The following SEMA3G variants were observed in gnomAD, a reference collection of about 807,000 sequenced individuals.
SEMA3G encodes the protein semaphorin-3G.
In SEMA3G, 70 loss-of-function variants were observed where a neutral mutation model predicts 86.2. The observed-to-expected ratio is 0.81, with a 90% CI of 0.67 to 0.99. The LOEUF is 0.99. SEMA3G is among the 50% of genes least tolerant of loss of function. SEMA3G has a pLI of 0.00. For missense variants in SEMA3G, 1,002 were observed against 1,072.4 expected (o/e 0.93, Z 0.92); for synonymous variants, 416 against 441.4 (o/e 0.94, Z 0.72).
In SEMA3G at chr3:52,439,621, G is replaced by A. The variant is rs1706107783; in HGVS notation, c.1467+59C>T. The A allele has an allele frequency of 6.3e-6, 9 of 1,430,518 alleles. No homozygotes were observed. The South Asian group carries it at 1.0e-4, about 16-fold the overall frequency. 88.6% of individuals were successfully genotyped at this position (1,430,518 alleles called of 1,614,324 possible). A position where few individuals can be genotyped will look rare whatever the true frequency, so the allele number is the denominator to read the frequency against. On this transcript the variant is annotated intron_variant, in intron 12 of 15. Transcript: ENST00000231721. ...CTGGGCTTGCTCCTGCATCCCTGTAGCCAGGCTCAGACCCAGAGATGGGGC... is the reference window on the plus strand; with the variant it reads ...CTGGGCTTGCTCCTGCATCCCTGTAACCAGGCTCAGACCCAGAGATGGGGC...
chr3:52,437,941 G>T, intron 14 of SEMA3G, 30 bp downstream of exon 14: 2 of 1,591,390 alleles, frequency 1.3e-6, no homozygotes, highest in Non-Finnish European at 1.7e-6. Flanking sequence ...TTCCAGCCCA[G>T]TCTGGGCCCT....
rs1395010949 is a variant in SEMA3G, at chr3:52,438,036, C to T, written c.1673G>A (p.Arg558Gln). 1.1e-5 allele frequency: 17 copies of T among 1,613,032 alleles called. No individual in the cohort carries two copies. Among genetic ancestry groups the T allele is most frequent in the Admixed American group, 3.3e-5 (2 of 59,996 alleles). The change falls in exon 14 of 16, where the codon CGG becomes CAG. Residue 558 changes from arginine to glutamine, a missense_variant. Coordinates refer to ENST00000231721, the MANE Select transcript of SEMA3G (RefSeq NM_020163.3). ...THYRPSLGKR[R>Q]FRRQDIRHGN... ...GTGCCGGATGTCCTGCCGGCGGAAC[C>T]GGCGCTTGCCAAGGCTGGGGCGGTA... is the stretch of plus-strand genomic sequence containing the variant.
At chr3:52,440,543 T>A in intron 9 of SEMA3G, 22 bp from the exon 10 acceptor site, 1 of 1,600,548 alleles carries the variant, frequency 6.2e-7, no homozygotes, top group Non-Finnish European at 8.5e-7. Flanking sequence ...CATGGGACAG[T>A]CAGGCCAGAG....
In SEMA3G at chr3:52,441,809, C is replaced by T. The variant is rs998958978; in HGVS notation, c.550+10G>A. 1 of 1,607,438 alleles carries T rather than the reference C, an allele frequency of 6.2e-7. No individual in the cohort carries two copies. The highest frequency in any genetic ancestry group is 8.5e-7 in the Non-Finnish European group (1 of 1,176,404). ...CTCCCTGTTCTCACCCTGGCCTGGGCATCACCCACCTATGAAGGTGCTGGC... is the reference window on the plus strand; with the variant it reads ...CTCCCTGTTCTCACCCTGGCCTGGGTATCACCCACCTATGAAGGTGCTGGC... On this transcript the variant is annotated intron_variant, in intron 5 of 15. Transcript: ENST00000231721.
chr3:52,443,122 C>G, intron 1 of SEMA3G: 1 of 1,323,064 alleles, frequency 7.6e-7, no homozygotes, highest in South Asian at 1.3e-5. Context: ...CCCAGCCTAC[C>G]CTGGGGCCTA....
At chr3:52,443,008 A>T (rs933414095) in intron 1 of SEMA3G, 101 bp from the exon 2 acceptor site, 1 of 1,545,294 alleles carries the variant, frequency 6.5e-7, no homozygotes, top group African/African-American at 1.4e-5. Context: ...CACCCCTGAC[A>T]CACTCACATC....
chr3:52,438,397 TGGA>T, intron 13 of SEMA3G, 198 bp from the exon 14 acceptor site: 1 of 984,244 alleles, frequency 1.0e-6, no homozygotes. Context: ...ACAGAAGGGA[TGGA>T]GGAGAACCAA....
At position 52,444,956 on chromosome 3, in the gene SEMA3G, G is replaced by T; in HGVS notation, c.72C>A (p.Pro24=). 7.7e-7 allele frequency: 1 copy of T among 1,303,656 alleles called. No individual in the cohort carries two copies. Among genetic ancestry groups the T allele is most frequent in the Non-Finnish European group, 9.8e-7 (1 of 1,021,262 alleles). 80.8% of individuals were successfully genotyped at this position (1,303,656 alleles called of 1,614,324 possible). A position where few individuals can be genotyped will look rare whatever the true frequency, so the allele number is the denominator to read the frequency against. The change falls in exon 1 of 16, where the codon CCC becomes CCA. Residue 24 remains proline, a synonymous_variant. Coordinates refer to ENST00000231721, the MANE Select transcript of SEMA3G (RefSeq NM_020163.3). ...GLLLHGGSSG[P]SPGPSVPRLR... is the part of the protein sequence containing the mutation. The stretch of plus-strand genomic sequence containing the variant: ...GGCGGGGCACACTGGGGCCGGGGCT[G>T]GGGCCAGAGCTACCCCCATGGAGCA...
At position 52,435,786 on chromosome 3, in the gene SEMA3G, C is replaced by T. The variant is rs1373920553; in HGVS notation, c.2166G>A (p.Val722=). 6.2e-7 allele frequency: 1 copy of T among 1,614,038 alleles called. No homozygotes were observed. Residue 722 remains valine, a synonymous_variant, in exon 16 of 16, where the codon GTG becomes GTA. Transcript: ENST00000231721. ...QLIGFANLPR[V]DEYCERVWCR... is the part of the protein sequence containing the mutation. ...ACCACACGCGCTCACAGTACTCATC[C>T]ACCCGGGGCAGGTTGGCGAAGCCAA...
Position 52,435,310 on chromosome 3 carries a change from T to G in SEMA3G, c.*293A>C. 6.6e-6 allele frequency: 3 copies of G among 457,888 alleles called. No homozygotes were observed. The highest frequency in any genetic ancestry group is 4.0e-5 in the East Asian group (1 of 25,016). The allele number at this position is 457,888 out of a possible 1,614,324, so 28.4% of individuals were successfully genotyped here. ...TCTTGCCTCTGGGCACACCCGGAAA[T>G]GTGTTGCGGAAGCCAGGCCATCTCT... On this transcript the variant is annotated 3_prime_UTR_variant, in exon 16 of 16. Coordinates refer to ENST00000231721, the MANE Select transcript of SEMA3G (RefSeq NM_020163.3).
intron 7 of SEMA3G, 43 bp downstream of exon 7, chr3:52,441,221 T>C: frequency 3.1e-6 from 5 of 1,596,068 alleles, no homozygotes; most frequent in Non-Finnish European, 3.4e-6. Flanking sequence ...AATGGGAGGG[T>C]GTAGCAGGGA....
intron 8 of SEMA3G, 29 bp downstream of exon 8, chr3:52,440,905 G>T: frequency 6.3e-7 from 1 of 1,599,368 alleles, no homozygotes; most frequent in East Asian, 2.2e-5. Context: ...CCACTCCCGA[G>T]CCCTAGGCCT....
intron 13 of SEMA3G, 30 bp downstream of exon 13, chr3:52,438,890 G>A (rs763983144): frequency 2.5e-6 from 4 of 1,612,154 alleles, no homozygotes; most frequent in East Asian, 2.2e-5. Context: ...CAGAAGGGGG[G>A]TCCAAGAGGA....
chr3:52,439,955 C>A lies in SEMA3G; in HGVS notation c.1287G>T (p.Lys429Asn), dbSNP rs1227986080. 1 of 1,613,832 alleles carries A rather than the reference C, an allele frequency of 6.2e-7. No individual in the cohort carries two copies. The highest frequency in any genetic ancestry group is 8.5e-7 in the Non-Finnish European group (1 of 1,179,984). Reference sequence around the variant, plus strand: ...GGTGTAGCTGCTGGGCCAGGTGGGTCTTGACAAGGACAGGGCGGCCATGTC... The same window carrying A: ...GGTGTAGCTGCTGGGCCAGGTGGGTATTGACAAGGACAGGGCGGCCATGTC... ...RPRHGRPVLVKTHLAQQLHQI... is the reference protein window; with the variant it reads ...RPRHGRPVLVNTHLAQQLHQI... The change falls in exon 11 of 16, where the codon AAG becomes AAT. Residue 429 changes from lysine to asparagine, a missense_variant. Coordinates refer to ENST00000231721, the MANE Select transcript of SEMA3G (RefSeq NM_020163.3).
rs1303810732 is a variant in SEMA3G, at chr3:52,442,167, G to T, written c.459+18C>A. 1.2e-6 allele frequency: 2 copies of T among 1,609,462 alleles called. No homozygotes were observed. The highest frequency in any genetic ancestry group is 1.7e-6 in the Non-Finnish European group (2 of 1,177,622). On this transcript the variant is annotated intron_variant, in intron 4 of 15. Coordinates refer to ENST00000231721, the MANE Select transcript of SEMA3G (RefSeq NM_020163.3). This position sits in a 1 kb window ranked among gnomAD's most constrained non-coding sequence, Gnocchi z 6.1. Reference sequence around the variant, plus strand: ...GTCACTGCCTCCCAGTCCCTTGTGGGGCCTGGCCCAGGCTCACCTCCCCAC... The same window carrying T: ...GTCACTGCCTCCCAGTCCCTTGTGGTGCCTGGCCCAGGCTCACCTCCCCAC...
chr3:52,438,415 T>C, intron 13 of SEMA3G: 1 of 985,298 alleles, frequency 1.0e-6, no homozygotes, highest in Non-Finnish European at 1.2e-6. Context: ...AACCAAGACC[T>C]GGGATGTTTT....
rs1706177884 is a variant in SEMA3G, at chr3:52,442,489, G to A, written c.339+70C>T. ...CCCCTGGTAGAGGTACCTGGGGCGT[G>A]GTCACGGATTGTCCTGGGGGTCAGG... On this transcript the variant is annotated intron_variant, in intron 3 of 15. Coordinates refer to ENST00000231721, the MANE Select transcript of SEMA3G (RefSeq NM_020163.3). The surrounding 1 kb of genome is among the most constrained non-coding windows in gnomAD (Gnocchi z 6.1). 1.9e-6 allele frequency: 3 copies of A among 1,559,144 alleles called. No homozygotes were observed. In the South Asian group the frequency reaches 3.3e-5, roughly 17 times the overall value.
At chr3:52,437,908 T>G in intron 14 of SEMA3G, 63 bp downstream of exon 14, 1 of 1,446,678 alleles carries the variant, frequency 6.9e-7, no homozygotes, top group Non-Finnish European at 9.6e-7. Context: ...TTCGCAGGGG[T>G]GGAGCCGGGC....
intron 7 of SEMA3G, 78 bp from the exon 8 acceptor site, chr3:52,441,126 C>A (rs1233555670): frequency 2.7e-6 from 4 of 1,456,268 alleles, no homozygotes; most frequent in Non-Finnish European, 2.8e-6. Context: ...CCCTCACCCA[C>A]TCGGGGAGAG....
Sources: allele counts gnomAD v4.1 joint callset, GRCh38; gene constraint gnomAD v4.1.1; non-coding constraint Gnocchi (gnomAD v3.1); transcripts MANE v1.5; gene names NCBI Gene and HGNC (gene_info 2026-07-23, HGNC 2026-07-21).